The following BMP8B variants were observed in gnomAD, a reference collection of about 807,000 sequenced individuals.
BMP8B encodes bone morphogenetic protein 8 (osteogenic protein 2).
In BMP8B, 17 loss-of-function variants were observed where a neutral mutation model predicts 30.3. The ratio of observed to expected loss-of-function variants is 0.56; its 90% CI spans 0.38 to 0.84. The LOEUF (loss-of-function observed/expected upper bound fraction) is 0.84, where lower values mean the gene tolerates loss of function less well. Ranked by LOEUF, BMP8B falls within the 40% of genes least tolerant of loss-of-function variation. The probability of loss-of-function intolerance (pLI) is 0.00; values close to 1 mark genes in which losing one functional copy is unlikely to be tolerated. For missense variants in BMP8B, 253 were observed against 494.6 expected, an observed-to-expected ratio of 0.51 and a Z score of 4.63; for synonymous variants, 131 against 214.7, an observed-to-expected ratio of 0.61 and a Z score of 3.41.
intron 6 of BMP8B, chr1:39,762,534 G>C (rs1373168860): frequency 5.2e-6 from 8 of 1,550,284 alleles, no homozygotes; most frequent in Non-Finnish European, 7.0e-6. Context: ...CAGATACCAA[G>C]GCATCAAAAG....
chr1:39,781,632 T>C (rs1346853942), intron 1 of BMP8B, among the ~76,000 whole-genome samples: 2 of 152,180 alleles, frequency 1.3e-5, no homozygotes, highest in Admixed American at 1.3e-4. Context: ...ACTGGAAAGT[T>C]TACTGCTTTT....
At chr1:39,770,343 G>A (rs775801904) in intron 3 of BMP8B, 42 of 1,591,858 alleles carry the variant, frequency 2.6e-5, no homozygotes, top group Middle Eastern at 3.4e-4. Context: ...AGAGCTGCGC[G>A]TCTGATGATG....
At chr1:39,762,051 C>A (rs1296948654) in intron 6 of BMP8B, among the ~76,000 whole-genome samples, 3 of 152,234 alleles carry the variant, frequency 2.0e-5, no homozygotes, top group African/African-American at 7.2e-5. Flanking sequence ...TAAAGGGTGG[C>A]TGGGCTGGGC....
intron 1 of BMP8B, among the ~76,000 whole-genome samples, chr1:39,785,448 C>T (rs1162986140): frequency 1.3e-5 from 2 of 152,010 alleles, no homozygotes; most frequent in African/African-American, 2.4e-5. Context: ...AACATCAGGA[C>T]GCAGGCTTGG....
chr1:39,760,240 TG>T lies in BMP8B; in HGVS notation c.*178del. The T allele has an allele frequency of 9.3e-7, 1 of 1,076,810 alleles. No individual in the cohort carries two copies. The highest frequency in any genetic ancestry group is 1.3e-6 in the Non-Finnish European group (1 of 771,014). 66.7% of individuals were successfully genotyped at this position (1,076,810 alleles called of 1,614,324 possible). On this transcript the variant is annotated 3_prime_UTR_variant, in exon 7 of 7. Transcript: ENST00000372827. ...GAAACAGGACAGTCACACAAATGCC[TG>T]GCAGGGCAAGGGGAGCATAGGAGCC...
intron 6 of BMP8B, 149 bp from the exon 7 acceptor site, chr1:39,760,717 A>G (rs1281713873): frequency 2.6e-6 from 3 of 1,152,144 alleles, no homozygotes; most frequent in Admixed American, 2.6e-5. Flanking sequence ...ATTAACAGGA[A>G]TAAGAGCAGT....
intron 3 of BMP8B, chr1:39,771,469 G>A (rs1003550307): frequency 1.3e-5 from 7 of 551,190 alleles, no homozygotes; most frequent in Non-Finnish European, 2.0e-5. Context: ...AGTCCTCCGT[G>A]TCCAGCGCAC....
intron 1 of BMP8B, among the ~76,000 whole-genome samples, chr1:39,776,528 T>C (rs944220208): frequency 1.3e-5 from 2 of 152,164 alleles, no homozygotes; most frequent in Admixed American, 1.3e-4. Context: ...GAGCACTTCC[T>C]GTCCTCGTGG....
At chr1:39,775,826 G>T (rs1186844037) in intron 1 of BMP8B, among the ~76,000 whole-genome samples, 2 of 151,042 alleles carry the variant, frequency 1.3e-5, no homozygotes, top group Admixed American at 6.6e-5. Context: ...GGCCAGTCAG[G>T]TGCTGGGGAA....
chr1:39,784,880 C>T (rs11485586), intron 1 of BMP8B, among the ~76,000 whole-genome samples: 331 of 99,744 alleles, frequency 3.3e-3, no homozygotes, highest in East Asian at 9.3e-3. Flanking sequence ...AAAAATGAAG[C>T]TGCCTGCATT....
rs1648679463 is a variant in BMP8B, at chr1:39,759,670, G to C, written c.*749C>G. 6.6e-6 allele frequency: 1 copy of C among 152,296 alleles called. No homozygotes were observed. The highest frequency in any genetic ancestry group is 6.5e-5 in the Admixed American group (1 of 15,290). The allele number at this position is 152,296 out of a possible 1,614,324, so 9.4% of individuals were successfully genotyped here. ...CTCCTGGTGGGGCAACATGGTGGCA[G>C]ATAGATGGGTCAATTGGAAGCCCCA... On this transcript the variant is annotated 3_prime_UTR_variant, in exon 7 of 7. Coordinates refer to ENST00000372827, the MANE Select transcript of BMP8B (RefSeq NM_001720.5).
chr1:39,760,298 T>C lies in BMP8B; in HGVS notation c.*121A>G. On this transcript the variant is annotated 3_prime_UTR_variant, in exon 7 of 7. Transcript: ENST00000372827. ...GAAGGAGAAAGGGTCATGTACGTGG[T>C]TGTGAGGGTCCTCCCTGGCAATGCC... is the stretch of plus-strand genomic sequence containing the variant. 2 of 1,464,660 alleles carry C rather than the reference T, an allele frequency of 1.4e-6. No homozygotes were observed. The highest frequency in any genetic ancestry group is 1.8e-6 in the Non-Finnish European group (2 of 1,086,400). 90.7% of individuals were successfully genotyped at this position (1,464,660 alleles called of 1,614,324 possible).
At position 39,762,668 on chromosome 1, in the gene BMP8B, G is replaced by A. The variant is rs1291908185; in HGVS notation, c.1059+424C>T. The A allele has an allele frequency of 7.2e-6, 11 of 1,527,676 alleles. No homozygotes were observed. In the African/African-American group the frequency reaches 9.7e-5, roughly 14 times the overall value. The allele number at this position is 1,527,676 out of a possible 1,614,324, so 94.6% of individuals were successfully genotyped here. Reference sequence around the variant, plus strand: ...GCGGCACAGGTGGGTGAGTGCACACGCACACCCCACACACTGTGCACACAT... The same window carrying A: ...GCGGCACAGGTGGGTGAGTGCACACACACACCCCACACACTGTGCACACAT... On this transcript the variant is annotated intron_variant, in intron 6 of 6. Coordinates refer to ENST00000372827, the MANE Select transcript of BMP8B (RefSeq NM_001720.5).
At chr1:39,761,081 C>T in intron 6 of BMP8B, 1 of 157,990 alleles carries the variant, frequency 6.3e-6, no homozygotes, top group Non-Finnish European at 1.4e-5. Flanking sequence ...GCCCTCAGCA[C>T]TTCAAGGCCC....
Position 39,760,377 on chromosome 1 carries a change from C to G in BMP8B, c.*42G>C. The G allele has an allele frequency of 8.1e-6, 13 of 1,610,344 alleles. No individual in the cohort carries two copies. The highest frequency in any genetic ancestry group is 1.1e-5 in the Non-Finnish European group (13 of 1,179,498). ...GTTTCCTGCTTCTGAGGGGCCCGAT[C>G]CAGATGAGAAGGGTGGCTGCAGCTG... On this transcript the variant is annotated 3_prime_UTR_variant, in exon 7 of 7. Transcript: ENST00000372827.
At chr1:39,782,942 C>T (rs187118003) in intron 1 of BMP8B, among the ~76,000 whole-genome samples, 3 of 151,962 alleles carry the variant, frequency 2.0e-5, no homozygotes, top group East Asian at 1.9e-4. Flanking sequence ...TACAGTCCCG[C>T]GCCACCATGC....
At chr1:39,782,179 G>A (rs1461998020) in intron 1 of BMP8B, among the ~76,000 whole-genome samples, 6 of 150,286 alleles carry the variant, frequency 4.0e-5, no homozygotes, top group Non-Finnish European at 8.9e-5. Context: ...AAAAAACCTA[G>A]AGAAGGACTC....
In BMP8B at chr1:39,763,102, A is replaced by G. The variant is rs763733184; in HGVS notation, c.1049T>C (p.Leu350Pro). 5.0e-6 allele frequency: 8 copies of G among 1,613,948 alleles called. No homozygotes were observed. The highest frequency in any genetic ancestry group is 6.8e-6 in the Non-Finnish European group (8 of 1,179,846). Residue 350 changes from leucine to proline, a missense_variant, in exon 6 of 7, where the codon CTG (leucine) becomes CCG (proline). Leu to Pro is a moderately conservative substitution (Grantham distance 98). Coordinates refer to ENST00000372827, the MANE Select transcript of BMP8B (RefSeq NM_001720.5). The part of the protein sequence containing the change: ...SCMNATNHAI[L>P]QSLVHLMMPD... ...GGGCATGGTACTGACCAGGGACTGC[A>G]GGATGGCGTGGTTGGTGGCATTCAT...
At position 39,759,344 on chromosome 1, in the gene BMP8B, C is replaced by T. The variant is rs1283714161; in HGVS notation, c.*1075G>A. On this transcript the variant is annotated 3_prime_UTR_variant, in exon 7 of 7. Transcript: ENST00000372827. ...GTTTTTGATGGCCCCTGGCCTCGCC[C>T]CAGACCCGGTCACAGGCTGCCCATG... 3.3e-5 allele frequency: 5 copies of T among 152,318 alleles called. No homozygotes were observed. Among genetic ancestry groups the T allele is most frequent in the Non-Finnish European group, 5.9e-5 (4 of 68,090 alleles). The allele number at this position is 152,318 out of a possible 1,614,324, so 9.4% of individuals were successfully genotyped here. A position where few individuals can be genotyped will look rare whatever the true frequency, so the allele number is the denominator to read the frequency against.
Sources: allele counts gnomAD v4.1 joint callset (sites outside exome capture counted in the v4.1 genomes callset), GRCh38; gene constraint gnomAD v4.1.1; transcripts MANE v1.5; gene names NCBI Gene and HGNC (gene_info 2026-07-23, HGNC 2026-07-21).